Variants in SCHIP1 observed in about 807,000 individuals in gnomAD.
SCHIP1 encodes the protein schwannomin interacting protein 1.
SCHIP1 carries 8 observed loss-of-function variants against 29.7 expected under a neutral mutation model. The ratio of observed to expected loss-of-function variants is 0.27; its 90% confidence interval spans 0.16 to 0.49. The LOEUF (loss-of-function observed/expected upper bound fraction) is 0.49. Among genes scored for constraint, SCHIP1 ranks in the 20% least tolerant of loss-of-function variants. The pLI, the probability that SCHIP1 is intolerant of heterozygous loss-of-function variation, is 0.99. For missense variants in SCHIP1, 193 were observed against 294.6 expected (o/e 0.66, Z 2.52); for synonymous variants, 76 against 94.9 (o/e 0.80, Z 1.16).
At chr3:159,389,139 A>C in the SCHIP1 span, among the ~76,000 whole-genome samples, 1 of 152,062 alleles carries the variant, frequency 6.6e-6, no homozygotes, top group African/African-American at 2.4e-5. Context: ...AAGGCTTAAT[A>C]TCTCCAATAT....
chr3:159,875,437 G>C (rs1715702903), intron 2 of SCHIP1, among the ~76,000 whole-genome samples: 1 of 152,124 alleles, frequency 6.6e-6, no homozygotes, highest in Admixed American at 6.5e-5. Flanking sequence ...GGAAGAAAAA[G>C]ACCACAGGGC....
chr3:159,812,074 G>A, the SCHIP1 span, among the ~76,000 whole-genome samples: 3 of 150,668 alleles, frequency 2.0e-5, no homozygotes, highest in African/African-American at 7.4e-5. Context: ...AGGCTCAAGC[G>A]ATTCTCGTGC....
At chr3:159,501,230 G>A in the SCHIP1 span, among the ~76,000 whole-genome samples, 3 of 152,282 alleles carry the variant, frequency 2.0e-5, no homozygotes, top group Non-Finnish European at 4.4e-5. Flanking sequence ...TGCTGTGACT[G>A]CTCGCAGCTT....
chr3:159,773,015 A>G, the SCHIP1 span, among the ~76,000 whole-genome samples: 1,295 of 152,336 alleles, frequency 8.5e-3, 18 homozygotes, highest in African/African-American at 0.03. Context: ...TGCTGGGATT[A>G]CAGGCATGAG....
At chr3:159,651,366 T>C in the SCHIP1 span, among the ~76,000 whole-genome samples, 1 of 152,172 alleles carries the variant, frequency 6.6e-6, no homozygotes, top group East Asian at 1.9e-4. Context: ...GTAAAGTTTA[T>C]CAGGTAAATT....
At chr3:159,519,918 C>T in the SCHIP1 span, among the ~76,000 whole-genome samples, 1 of 151,094 alleles carries the variant, frequency 6.6e-6, no homozygotes. Flanking sequence ...ACTGAAAGCC[C>T]TTGGGATCCA....
At chr3:159,357,869 A>T in the SCHIP1 span, among the ~76,000 whole-genome samples, 1 of 152,296 alleles carries the variant, frequency 6.6e-6, no homozygotes, top group South Asian at 2.1e-4. Flanking sequence ...ACAAGATATG[A>T]TGAACTGGGG....
the SCHIP1 span, among the ~76,000 whole-genome samples, chr3:159,342,383 G>A: frequency 3.3e-5 from 5 of 152,196 alleles, no homozygotes; most frequent in East Asian, 9.6e-4. Flanking sequence ...ATTCAGAATT[G>A]CTCCTGGAAA....
At chr3:159,637,421 A>ACACCCC in the SCHIP1 span, among the ~76,000 whole-genome samples, 1 of 136,472 alleles carries the variant, frequency 7.3e-6, no homozygotes, top group African/African-American at 2.9e-5. Context: ...ACACACACAC[A>ACACCCC]CCTGACTCTT....
Position 159,868,670 on chromosome 3 carries a change from A to G in SCHIP1, c.149+2389A>G, listed in dbSNP as rs79532823. On this transcript the variant is annotated intron_variant, in intron 2 of 6. Coordinates refer to ENST00000445224, the Ensembl canonical transcript of SCHIP1. ...TGCATTTGTATTCCAGTGTGTGAAT[A>G]TACCACAATTTATTTGGCCTCTCTC... 8.7e-3 allele frequency among the ~76,000 whole-genome samples: 1,328 copies of G among 152,230 alleles called. 17 individuals are homozygous for G. The highest frequency in any genetic ancestry group is 0.025 in the African/African-American group (1,038 of 41,574).
At chr3:159,713,447 G>A in the SCHIP1 span, among the ~76,000 whole-genome samples, 1 of 152,284 alleles carries the variant, frequency 6.6e-6, no homozygotes, top group African/African-American at 2.4e-5. Flanking sequence ...TGTCTATAGT[G>A]TGCTATATTC....
chr3:159,699,412 G>T, the SCHIP1 span, among the ~76,000 whole-genome samples: 7 of 152,202 alleles, frequency 4.6e-5, no homozygotes, highest in East Asian at 1.9e-4. Flanking sequence ...TTCTGGCTGG[G>T]TCTCTCTCCG....
chr3:159,635,280 C>T, the SCHIP1 span, among the ~76,000 whole-genome samples: 2 of 152,136 alleles, frequency 1.3e-5, no homozygotes, highest in Non-Finnish European at 2.9e-5. Context: ...GAGCTCCTAG[C>T]CAGCACAAGC....
the SCHIP1 span, chr3:159,375,870 T>C: frequency 4.6e-6 from 2 of 434,680 alleles, no homozygotes; most frequent in Non-Finnish European, 6.1e-6. Flanking sequence ...TAAGGAAAAC[T>C]TGGAGGAAAT....
chr3:159,417,211 A>G, the SCHIP1 span, among the ~76,000 whole-genome samples: 1 of 152,158 alleles, frequency 6.6e-6, no homozygotes, highest in Non-Finnish European at 1.5e-5. Flanking sequence ...CTTCCTCCAA[A>G]AGAGAAGTTC....
chr3:159,719,968 C>T, the SCHIP1 span, among the ~76,000 whole-genome samples: 4 of 152,230 alleles, frequency 2.6e-5, no homozygotes, highest in Middle Eastern at 3.4e-3. Flanking sequence ...ATAGCAAAGA[C>T]TTGGAACCAA....
At chr3:159,712,275 AAT>A in the SCHIP1 span, among the ~76,000 whole-genome samples, 4 of 152,344 alleles carry the variant, frequency 2.6e-5, no homozygotes, top group African/African-American at 9.6e-5. Flanking sequence ...GGGGAGTGAC[AAT>A]ATGTAGAATG....
At chr3:159,800,909 C>A in the SCHIP1 span, among the ~76,000 whole-genome samples, 24 of 149,266 alleles carry the variant, frequency 1.6e-4, no homozygotes, top group South Asian at 1.0e-3. Flanking sequence ...ACCAAAAATG[C>A]AGGTCATAGG....
chr3:159,396,283 G>A, the SCHIP1 span, among the ~76,000 whole-genome samples: 3 of 151,340 alleles, frequency 2.0e-5, no homozygotes, highest in Non-Finnish European at 2.9e-5. Context: ...CAATTTGCCA[G>A]TCTGCGTCTT....
Sources: allele counts gnomAD v4.1 joint callset (sites outside exome capture counted in the v4.1 genomes callset), GRCh38; gene constraint gnomAD v4.1.1; transcripts MANE v1.5; gene names NCBI Gene and HGNC (gene_info 2026-07-23, HGNC 2026-07-21).